Variants in GRID2 observed in about 807,000 individuals in gnomAD.
The protein encoded by GRID2 is glutamate ionotropic receptor delta type subunit 2, also known as glutamate receptor ionotropic, delta-2.
A neutral mutation model predicts 114.8 loss-of-function variants in GRID2; 33 were observed. The ratio of observed to expected loss-of-function variants is 0.29; its 90% CI spans 0.22 to 0.38. The LOEUF is 0.38. Ranked by LOEUF, GRID2 falls within the 10% of genes least tolerant of loss-of-function variation. The pLI, the probability that GRID2 is intolerant of heterozygous loss-of-function variation, is 1.00. For missense variants in GRID2, 1,184 were observed against 1,257.7 expected, an observed-to-expected ratio of 0.94 and a Z score of 0.89; for synonymous variants, 505 against 449.9, an observed-to-expected ratio of 1.12 and a Z score of -1.55.
At chr4:93,594,531 G>C (rs1029330920) in intron 13 of GRID2, among the ~76,000 whole-genome samples, 26 of 152,158 alleles carry the variant, frequency 1.7e-4, no homozygotes, top group African/African-American at 4.6e-4. Context: ...TGCCCCCAGA[G>C]GTGGAGCCTA....
At chr4:92,471,170 C>G (rs1266004725) in intron 1 of GRID2, among the ~76,000 whole-genome samples, 1 of 152,010 alleles carries the variant, frequency 6.6e-6, no homozygotes, top group Non-Finnish European at 1.5e-5. Context: ...GAAATGGCAA[C>G]TTAAATGTGA....
chr4:92,962,492 A>G (rs573522548), intron 2 of GRID2, among the ~76,000 whole-genome samples: 4 of 151,952 alleles, frequency 2.6e-5, no homozygotes, highest in South Asian at 2.1e-4. Context: ...TTGGAAGGCT[A>G]GAGCCTGCTG....
At chr4:93,390,206 T>C (rs1384332864) in intron 8 of GRID2, among the ~76,000 whole-genome samples, 1 of 152,196 alleles carries the variant, frequency 6.6e-6, no homozygotes, top group Non-Finnish European at 1.5e-5. Flanking sequence ...TTAATTGTCC[T>C]GGGGTTTGGA....
chr4:93,795,071 A>G (rs1487254391), intron 1 of GRID2, among the ~76,000 whole-genome samples: 1 of 152,192 alleles, frequency 6.6e-6, no homozygotes, highest in Non-Finnish European at 1.5e-5. Context: ...TTCACATAAG[A>G]AGATATTTTA....
intron 2 of GRID2, among the ~76,000 whole-genome samples, chr4:92,910,885 G>A (rs1326063068): frequency 6.6e-6 from 1 of 151,950 alleles, no homozygotes; most frequent in Non-Finnish European, 1.5e-5. Context: ...GTCTGTACAT[G>A]TTCAGTACAA....
intron 14 of GRID2, among the ~76,000 whole-genome samples, chr4:93,753,255 G>C (rs1174310370): frequency 2.0e-5 from 3 of 152,156 alleles, no homozygotes; most frequent in Non-Finnish European, 4.4e-5. Flanking sequence ...GTAACATTAG[G>C]TTGTAATGTC....
intron 2 of GRID2, among the ~76,000 whole-genome samples, chr4:92,948,855 C>G (rs1751831387): frequency 6.6e-6 from 1 of 151,918 alleles, no homozygotes; most frequent in Non-Finnish European, 1.5e-5. Context: ...TATTCTTTCA[C>G]TTATTCTAGG....
intron 11 of GRID2, among the ~76,000 whole-genome samples, chr4:93,462,562 G>C (rs918235841): frequency 2.0e-5 from 3 of 152,130 alleles, no homozygotes; most frequent in African/African-American, 7.2e-5. Context: ...TCTTCCTACT[G>C]TCAGATGGAT....
chr4:93,082,427 A>G lies in GRID2; in HGVS notation c.245-2568A>G, dbSNP rs562720649. On this transcript the variant is annotated intron_variant, in intron 2 of 15. Coordinates refer to ENST00000282020, the MANE Select transcript of GRID2 (RefSeq NM_001510.4). ...TGGGTGCATTTGTGATTTCTTGACA[A>G]TAAAGGATTGGGCCCTCTCAGAGGG... Among the ~76,000 whole-genome samples, 13 of 152,276 alleles carry G rather than the reference A, an allele frequency of 8.5e-5. No homozygotes were observed. The South Asian group carries it at 2.3e-3, about 27-fold the overall frequency.
chr4:92,470,331 GCAGAGAGA>G (rs1003344842), intron 1 of GRID2, among the ~76,000 whole-genome samples: 2 of 150,876 alleles, frequency 1.3e-5, no homozygotes, highest in Non-Finnish European at 3.0e-5. Context: ...TATAATATTG[GCAGAGAGA>G]CACAAACATG....
intron 13 of GRID2, among the ~76,000 whole-genome samples, chr4:93,588,647 T>C (rs1289573295): frequency 6.6e-6 from 1 of 152,146 alleles, no homozygotes; most frequent in African/African-American, 2.4e-5. Flanking sequence ...AATGAGAAAC[T>C]TCCTTTAAAG....
chr4:92,830,842 G>A (rs1351660519), intron 2 of GRID2, among the ~76,000 whole-genome samples: 2 of 152,150 alleles, frequency 1.3e-5, no homozygotes. Context: ...TTCCATTTAA[G>A]TATCTGGGTA....
chr4:93,503,033 A>G (rs1728280396), intron 12 of GRID2, among the ~76,000 whole-genome samples: 1 of 152,138 alleles, frequency 6.6e-6, no homozygotes, highest in African/African-American at 2.4e-5. Context: ...CCTGGCTCTC[A>G]GGCATCAAGA....
Position 92,922,248 on chromosome 4 carries a change from C to T in GRID2, c.245-162747C>T, listed in dbSNP as rs148442592. ...CAATTTTCCAGGTGCCATCGTCACC[C>T]CTTTCTTTGACTAGGAAAGGGAATT... On this transcript the variant is annotated intron_variant, in intron 2 of 15. Transcript: ENST00000282020. Among the ~76,000 whole-genome samples, 39 of 152,282 alleles carry T rather than the reference C, an allele frequency of 2.6e-4. No individual in the cohort carries two copies. The East Asian group carries it at 7.5e-3, about 29-fold the overall frequency.
At chr4:92,856,856 A>T (rs916362226) in intron 2 of GRID2, among the ~76,000 whole-genome samples, 14 of 152,270 alleles carry the variant, frequency 9.2e-5, no homozygotes, top group Non-Finnish European at 1.8e-4. Context: ...TTTTTTAAAA[A>T]ATTGGAATCT....
chr4:92,650,155 A>C (rs1457299623), intron 2 of GRID2, among the ~76,000 whole-genome samples: 1 of 152,082 alleles, frequency 6.6e-6, no homozygotes, highest in Non-Finnish European at 1.5e-5. Context: ...GTATATATGC[A>C]TACCAACATA....
intron 4 of GRID2, among the ~76,000 whole-genome samples, chr4:93,182,290 T>C (rs2149436828): frequency 7.9e-6 from 1 of 126,180 alleles, no homozygotes; most frequent in South Asian, 2.6e-4. Flanking sequence ...CAGCTTTTTT[T>C]CTGAAAATAT....
At chr4:92,672,179 C>T (rs953762598) in intron 2 of GRID2, among the ~76,000 whole-genome samples, 14 of 152,080 alleles carry the variant, frequency 9.2e-5, no homozygotes, top group African/African-American at 3.1e-4. Context: ...CCATCACCCA[C>T]CTTCAAAAAT....
intron 2 of GRID2, among the ~76,000 whole-genome samples, chr4:92,603,329 G>A (rs1729310129): frequency 6.6e-6 from 1 of 152,046 alleles, no homozygotes; most frequent in Non-Finnish European, 1.5e-5. Context: ...AAAACAGCAT[G>A]GTACTGACAG....
Sources: allele counts gnomAD v4.1 joint callset (sites outside exome capture counted in the v4.1 genomes callset), GRCh38; gene constraint gnomAD v4.1.1; transcripts MANE v1.5; gene names NCBI Gene and HGNC (gene_info 2026-07-23, HGNC 2026-07-21).